The following SHANK2 variants were observed in gnomAD, a reference collection of about 807,000 sequenced individuals.
SHANK2 encodes the protein SH3 and multiple ankyrin repeat domains protein 2.
Under a neutral mutation model 133.7 loss-of-function variants are expected in SHANK2, and 43 were observed. The observed-to-expected ratio is 0.32, with a 90% confidence interval of 0.25 to 0.41. SHANK2 has a LOEUF of 0.41. SHANK2 is among the 10% of genes least tolerant of loss of function. SHANK2 has a pLI of 1.00. For missense variants in SHANK2, 1,994 were observed against 2,235.8 expected (o/e 0.89, Z 2.18); for synonymous variants, 1,017 against 952.8 (o/e 1.07, Z -1.24).
chr11:70,754,468 T>A (rs1015542034), intron 14 of SHANK2, among the ~76,000 whole-genome samples: 1 of 152,198 alleles, frequency 6.6e-6, no homozygotes, highest in Non-Finnish European at 1.5e-5. Context: ...AATTTATTGA[T>A]GTAAGCCACC....
chr11:71,208,316 G>A (rs1954172289), intron 2 of SHANK2, among the ~76,000 whole-genome samples: 1 of 152,060 alleles, frequency 6.6e-6, no homozygotes, highest in Admixed American at 6.6e-5. Flanking sequence ...AGGGGAGATG[G>A]GGAAGTTGGG....
At chr11:70,590,675 T>C (rs1377127024) in intron 17 of SHANK2, among the ~76,000 whole-genome samples, 1 of 152,200 alleles carries the variant, frequency 6.6e-6, no homozygotes, top group Non-Finnish European at 1.5e-5. Context: ...CAATAAGGTA[T>C]TTTAAATTAA....
At chr11:70,931,622 G>A (rs1950505859) in intron 10 of SHANK2, among the ~76,000 whole-genome samples, 2 of 152,200 alleles carry the variant, frequency 1.3e-5, no homozygotes, top group African/African-American at 4.8e-5. Flanking sequence ...GCCCTTCGTA[G>A]GTCATCTCTA....
intron 2 of SHANK2, among the ~76,000 whole-genome samples, chr11:71,208,077 A>G (rs1435278229): frequency 2.0e-5 from 3 of 152,150 alleles, no homozygotes; most frequent in African/African-American, 7.2e-5. Context: ...CATGAAGAAA[A>G]CCACAGCTGC....
chr11:70,821,666 G>A (rs909109454), intron 11 of SHANK2, among the ~76,000 whole-genome samples: 5 of 152,050 alleles, frequency 3.3e-5, no homozygotes, highest in African/African-American at 4.8e-5. Context: ...CTTGTGATCC[G>A]CCTGCCTCAG....
At chr11:70,849,434 G>C (rs1949050566) in intron 11 of SHANK2, among the ~76,000 whole-genome samples, 1 of 152,214 alleles carries the variant, frequency 6.6e-6, no homozygotes, top group Admixed American at 6.5e-5. Context: ...CAGGGACATG[G>C]AACCTGGAAG....
Position 70,569,152 on chromosome 11 carries a change from C to G in SHANK2, c.2062-66221G>C, listed in dbSNP as rs1554982580. Among the ~76,000 whole-genome samples the G allele has an allele frequency of 5.3e-5, 8 of 152,224 alleles. No individual in the cohort carries two copies. Among genetic ancestry groups the G allele is most frequent in the Non-Finnish European group, 7.3e-5 (5 of 68,036 alleles). The stretch of plus-strand genomic sequence containing the variant: ...CAGGAAGGCCCCACCTGAACCACCT[C>G]AGTCCCACAGAGAGGGGGATCCTCT... On this transcript the variant is annotated intron_variant, in intron 17 of 25. Transcript: ENST00000601538. The surrounding 1 kb of genome is among the most constrained non-coding windows in gnomAD (Gnocchi z 5.1).
At chr11:70,478,488 G>A (rs2058692548) in intron 25 of SHANK2, among the ~76,000 whole-genome samples, 1 of 152,236 alleles carries the variant, frequency 6.6e-6, no homozygotes, top group Admixed American at 6.5e-5. Context: ...CATCTTGCAT[G>A]AAAATAGCAC....
At chr11:70,826,530 G>T (rs782453064) in intron 11 of SHANK2, 1 of 471,004 alleles carries the variant, frequency 2.1e-6, no homozygotes, top group African/African-American at 2.0e-5. Flanking sequence ...GCAGCGGTCC[G>T]CTCATTATAT....
chr11:70,649,432 G>A (rs1029910809), intron 17 of SHANK2, among the ~76,000 whole-genome samples: 2 of 152,182 alleles, frequency 1.3e-5, no homozygotes, highest in Admixed American at 6.5e-5. Flanking sequence ...TACTGTTGGC[G>A]CACACACACC....
chr11:70,718,843 C>G (rs1464347816), intron 14 of SHANK2, among the ~76,000 whole-genome samples: 1 of 152,054 alleles, frequency 6.6e-6, no homozygotes, highest in African/African-American at 2.4e-5. Flanking sequence ...CTTCATCCCC[C>G]TGGAGAGGCA....
chr11:70,878,442 C>A (rs975290111), intron 11 of SHANK2, among the ~76,000 whole-genome samples: 2 of 152,206 alleles, frequency 1.3e-5, no homozygotes, highest in Non-Finnish European at 2.9e-5. Context: ...CTTTCTGGAG[C>A]AATTTACCAT....
intron 17 of SHANK2, among the ~76,000 whole-genome samples, chr11:70,648,755 G>C (rs2061302309): frequency 6.6e-6 from 1 of 152,162 alleles, no homozygotes; most frequent in African/African-American, 2.4e-5. Flanking sequence ...GATGGAGAGG[G>C]GGAAGGGGTT....
chr11:70,756,659 C>A (rs995855076), intron 14 of SHANK2, among the ~76,000 whole-genome samples: 1 of 152,152 alleles, frequency 6.6e-6, no homozygotes, highest in African/African-American at 2.4e-5. Flanking sequence ...CAGGGGAAGA[C>A]GGGGAGGCTT....
In SHANK2 at chr11:71,235,597, G is replaced by A. The variant is rs74194372; in HGVS notation, c.-112-10801C>T. Among the ~76,000 whole-genome samples the A allele has an allele frequency of 9.2e-4, 131 of 142,576 alleles. 1 individual carries two copies. Among genetic ancestry groups the A allele is most frequent in the South Asian group, 1.4e-3 (6 of 4,432 alleles). 93.5% of individuals were successfully genotyped at this position (142,576 alleles called of 152,430 possible). On this transcript the variant is annotated intron_variant, in intron 1 of 25. Transcript: ENST00000601538. Reference sequence around the variant, plus strand: ...AACAAGAGTGAAACTCTCTCTCGGGGAAAAAAAAAAAAACGTTAACTTTAT... The same window carrying A: ...AACAAGAGTGAAACTCTCTCTCGGGAAAAAAAAAAAAAACGTTAACTTTAT...
At chr11:70,767,902 G>A (rs1947157613) in intron 14 of SHANK2, among the ~76,000 whole-genome samples, 1 of 152,204 alleles carries the variant, frequency 6.6e-6, no homozygotes, top group Non-Finnish European at 1.5e-5. Flanking sequence ...AGATATGCCA[G>A]TGCTCCCTTT....
intron 8 of SHANK2, among the ~76,000 whole-genome samples, chr11:71,081,336 G>GGT (rs1951298013): frequency 6.6e-6 from 1 of 152,136 alleles, no homozygotes; most frequent in African/African-American, 2.4e-5. Flanking sequence ...AATCACTTTG[G>GGT]GTCTACTAAT....
chr11:71,243,412 A>G (rs1555124628), intron 1 of SHANK2, among the ~76,000 whole-genome samples: 1 of 152,200 alleles, frequency 6.6e-6, no homozygotes, highest in Non-Finnish European at 1.5e-5. Flanking sequence ...AAAAGGAGTC[A>G]GGCCGGGCGT....
chr11:70,826,434 C>G (rs532354380), intron 11 of SHANK2: 1 of 470,980 alleles, frequency 2.1e-6, no homozygotes, highest in African/African-American at 2.0e-5. Flanking sequence ...TGCTAATTCC[C>G]ATGCACCCGG....
Sources: allele counts gnomAD v4.1 joint callset (sites outside exome capture counted in the v4.1 genomes callset), GRCh38; gene constraint gnomAD v4.1.1; non-coding constraint Gnocchi (gnomAD v3.1); transcripts MANE v1.5; gene names NCBI Gene and HGNC (gene_info 2026-07-23, HGNC 2026-07-21).